TEX10: variants seen among roughly 807,000 people sequenced by gnomAD.
TEX10 encodes the protein testis-expressed protein 10.
A neutral mutation model predicts 104.4 loss-of-function variants in TEX10; 24 were observed. The observed-to-expected ratio is 0.23, with a 90% CI of 0.17 to 0.32. The LOEUF (loss-of-function observed/expected upper bound fraction) is 0.32. Ranked by LOEUF, TEX10 falls within the 10% of genes least tolerant of loss-of-function variation. The probability of loss-of-function intolerance (pLI) is 1.00; values close to 1 mark genes in which losing one functional copy is unlikely to be tolerated. For missense variants in TEX10, 921 were observed against 1,083.9 expected, an observed-to-expected ratio of 0.85 and a Z score of 2.11; for synonymous variants, 396 against 393.4, an observed-to-expected ratio of 1.01 and a Z score of -0.08.
intron 9 of TEX10, among the ~76,000 whole-genome samples, chr9:100,322,037 T>C (rs144500070): frequency 2.8e-4 from 42 of 152,308 alleles, no homozygotes; most frequent in Non-Finnish European, 5.0e-4. Flanking sequence ...AAAATTTCCA[T>C]CCCATCTGAA....
chr9:100,349,148 A>C, intron 2 of TEX10, 36 bp downstream of exon 2: 4 of 1,493,448 alleles, frequency 2.7e-6, no homozygotes, highest in Non-Finnish European at 3.6e-6. Flanking sequence ...ATTCCAAAGA[A>C]AATCTTATTT....
intron 3 of TEX10, 118 bp downstream of exon 3, chr9:100,346,576 G>T (rs1351078541): frequency 3.5e-6 from 4 of 1,139,240 alleles, no homozygotes; most frequent in Non-Finnish European, 3.8e-6. Context: ...CAAATCATGA[G>T]TAACTATATG....
intron 8 of TEX10, among the ~76,000 whole-genome samples, chr9:100,327,117 T>C (rs1389747040): frequency 1.3e-5 from 2 of 152,094 alleles, no homozygotes; most frequent in Non-Finnish European, 2.9e-5. Context: ...AAAATATCCA[T>C]GATAGGCAAA....
At chr9:100,319,656 A>T (rs897723385) in intron 11 of TEX10, among the ~76,000 whole-genome samples, 117 of 151,852 alleles carry the variant, frequency 7.7e-4, no homozygotes, top group African/African-American at 2.8e-3. Flanking sequence ...AATACAAAAA[A>T]TTAGCCAGGT....
intron 5 of TEX10, among the ~76,000 whole-genome samples, chr9:100,339,642 G>GT (rs1835120635): frequency 6.6e-6 from 1 of 151,998 alleles, no homozygotes. Flanking sequence ...CCTTGCAAGT[G>GT]TATGCTCATT....
Position 100,327,851 on chromosome 9 carries a change from G to T in TEX10, c.1737C>A (p.Thr579=). The T allele has an allele frequency of 6.2e-7, 1 of 1,604,668 alleles. No homozygotes were observed. Among genetic ancestry groups the T allele is most frequent in the Non-Finnish European group, 8.5e-7 (1 of 1,173,580 alleles). The change falls in exon 8 of 15, where the codon ACC becomes ACA. Residue 579 remains threonine (T), a synonymous_variant. Coordinates refer to ENST00000374902, the MANE Select transcript of TEX10 (RefSeq NM_017746.4). ...ATTCTTTATTTGCTCGTGCTGCAGC[G>T]GTATGAATGATATCGATAAGCTGTG... ...LSTQLIDIIH[T]AAARANKELL...
At position 100,349,106 on chromosome 9, in the gene TEX10, C is replaced by G. The variant is rs1835374929; in HGVS notation, c.180+78G>C. On this transcript the variant is annotated intron_variant, in intron 2 of 14. Coordinates refer to ENST00000374902, the MANE Select transcript of TEX10 (RefSeq NM_017746.4). ...AAACTATTTACTCTAAGAGTTTAGA[C>G]AAATTTTCACAAAAATATAACATTC... The G allele has an allele frequency of 3.1e-6, 4 of 1,287,586 alleles. No individual in the cohort carries two copies. The African/African-American group carries it at 6.1e-5, about 20-fold the overall frequency. The allele number at this position is 1,287,586 out of a possible 1,614,324, so 79.8% of individuals were successfully genotyped here.
intron 4 of TEX10, among the ~76,000 whole-genome samples, chr9:100,343,372 G>A (rs1329735594): frequency 2.7e-5 from 4 of 149,258 alleles, no homozygotes; most frequent in Non-Finnish European, 5.9e-5. Flanking sequence ...GAAAAATAGT[G>A]CCAAGGTAAT....
At chr9:100,302,934 C>CA (rs888969404) in intron 14 of TEX10, among the ~76,000 whole-genome samples, 7 of 145,940 alleles carry the variant, frequency 4.8e-5, no homozygotes, top group East Asian at 2.1e-4. Context: ...AACCGCCCCC[C>CA]CCCCAAACTA....
intron 5 of TEX10, among the ~76,000 whole-genome samples, chr9:100,339,985 T>C (rs1835134163): frequency 6.6e-6 from 1 of 152,114 alleles, no homozygotes; most frequent in South Asian, 2.1e-4. Context: ...CCATACACCT[T>C]GGCAATTTTA....
intron 11 of TEX10, among the ~76,000 whole-genome samples, chr9:100,316,894 T>TAAAAAAAAAAAA (rs35651841): frequency 2.2e-4 from 12 of 53,384 alleles, no homozygotes; most frequent in Admixed American, 4.6e-4. Context: ...TTATAATAGC[T>TAAAAAAAAAAAA]AAAAAAAAAA....
chr9:100,331,542 C>T (rs1834862741), intron 5 of TEX10, among the ~76,000 whole-genome samples: 1 of 152,080 alleles, frequency 6.6e-6, no homozygotes, highest in African/African-American at 2.4e-5. Flanking sequence ...AGCAAGGGCA[C>T]AGTAGTGAGG....
intron 5 of TEX10, among the ~76,000 whole-genome samples, chr9:100,332,156 A>G (rs1429683351): frequency 6.6e-6 from 1 of 152,244 alleles, no homozygotes; most frequent in African/African-American, 2.4e-5. Context: ...GAAATTACCC[A>G]TATGACTGCT....
intron 8 of TEX10, among the ~76,000 whole-genome samples, 169 bp from the exon 9 acceptor site, chr9:100,326,648 T>G (rs1436005972): frequency 1.3e-5 from 2 of 152,144 alleles, no homozygotes; most frequent in Non-Finnish European, 1.5e-5. Flanking sequence ...AAAACACATA[T>G]GTATGGCTTG....
chr9:100,342,903 T>C (rs1835208154), intron 4 of TEX10, among the ~76,000 whole-genome samples: 1 of 151,998 alleles, frequency 6.6e-6, no homozygotes, highest in African/African-American at 2.4e-5. Context: ...ATCCCAGCAC[T>C]TTGGGAGGCT....
chr9:100,320,678 T>TA (rs1834546310), intron 10 of TEX10, among the ~76,000 whole-genome samples: 1 of 152,196 alleles, frequency 6.6e-6, no homozygotes, highest in Admixed American at 6.5e-5. Flanking sequence ...CAATTTTACT[T>TA]AGAGTGAAAG....
chr9:100,340,831 GTCTT>G (rs1175344052), intron 4 of TEX10, among the ~76,000 whole-genome samples: 1 of 152,136 alleles, frequency 6.6e-6, no homozygotes, highest in African/African-American at 2.4e-5. Context: ...TGGAAACACT[GTCTT>G]TCTAATTCCA....
intron 4 of TEX10, among the ~76,000 whole-genome samples, chr9:100,343,021 C>T (rs1303133094): frequency 6.6e-6 from 1 of 151,174 alleles, no homozygotes; most frequent in African/African-American, 2.4e-5. Flanking sequence ...TAGTGGCAGG[C>T]GCCTGTAGTC....
chr9:100,342,209 T>C (rs547060282), intron 4 of TEX10, among the ~76,000 whole-genome samples: 3 of 152,336 alleles, frequency 2.0e-5, no homozygotes, highest in South Asian at 4.1e-4. Context: ...CATTCAGATA[T>C]CTTATTCTCA....
Sources: allele counts gnomAD v4.1 joint callset (sites outside exome capture counted in the v4.1 genomes callset), GRCh38; gene constraint gnomAD v4.1.1; transcripts MANE v1.5; gene names NCBI Gene and HGNC (gene_info 2026-07-23, HGNC 2026-07-21).